Variants in KCNQ5 observed in about 807,000 individuals in gnomAD.
KCNQ5 encodes the protein potassium voltage-gated channel subfamily KQT member 5.
In KCNQ5, 30 loss-of-function variants were observed where a neutral mutation model predicts 98.2. That is an observed-to-expected ratio of 0.31 (90% CI 0.23 to 0.41). The LOEUF (loss-of-function observed/expected upper bound fraction) is 0.41, where lower values mean the gene tolerates loss of function less well. Among genes scored for constraint, KCNQ5 ranks in the 10% least tolerant of loss-of-function variants. KCNQ5 has a pLI of 1.00. For synonymous variants in KCNQ5, 458 were observed against 449.4 expected (o/e 1.02, Z -0.24); for missense variants, 835 against 1,182.5 (o/e 0.71, Z 4.31).
In KCNQ5 at chr6:72,778,921, A is replaced by C. The variant is rs138599701; in HGVS notation, c.398+156334A>C. 1.1e-3 allele frequency among the ~76,000 whole-genome samples: 173 copies of C among 152,350 alleles called. 1 individual carries two copies. The highest frequency in any genetic ancestry group is 2.1e-3 in the Non-Finnish European group (144 of 68,028). On this transcript the variant is annotated intron_variant, in intron 1 of 13. Transcript: ENST00000370398. Reference sequence around the variant, plus strand: ...GCCACTATAAATAGCTTTTGTAAAGATATTCATTAAATTTGGTAATGAAGA... The same window carrying C: ...GCCACTATAAATAGCTTTTGTAAAGCTATTCATTAAATTTGGTAATGAAGA...
chr6:72,675,888 A>G (rs1165573826), intron 1 of KCNQ5, among the ~76,000 whole-genome samples: 1 of 152,202 alleles, frequency 6.6e-6, no homozygotes, highest in Admixed American at 6.5e-5. Context: ...GGAGTAAATC[A>G]CTGAACATTT....
At chr6:72,922,671 T>C (rs79700621) in intron 1 of KCNQ5, among the ~76,000 whole-genome samples, 2,284 of 152,276 alleles carry the variant, frequency 0.015, 55 homozygotes, top group African/African-American at 0.051. Flanking sequence ...TTGCTTTCTA[T>C]GCCTGGTTTA....
At chr6:72,664,760 A>C (rs1057016711) in intron 1 of KCNQ5, among the ~76,000 whole-genome samples, 16 of 152,354 alleles carry the variant, frequency 1.1e-4, no homozygotes, top group African/African-American at 3.6e-4. Context: ...ACAGTTTGAG[A>C]AAGTAATATC....
chr6:72,636,796 C>T (rs1167150031), intron 1 of KCNQ5, among the ~76,000 whole-genome samples: 12 of 152,218 alleles, frequency 7.9e-5, no homozygotes, highest in African/African-American at 2.9e-4. Flanking sequence ...TTACTGTTTA[C>T]TGAGCCTCAA....
intron 1 of KCNQ5, among the ~76,000 whole-genome samples, chr6:72,894,860 C>A (rs2150186466): frequency 6.6e-6 from 1 of 152,098 alleles, no homozygotes; most frequent in South Asian, 2.1e-4. Context: ...AGCAATTGAT[C>A]TCATAGGAAG....
chr6:72,860,860 T>TGC (rs1777737192), intron 1 of KCNQ5, among the ~76,000 whole-genome samples: 1 of 151,190 alleles, frequency 6.6e-6, no homozygotes, highest in South Asian at 2.1e-4. Context: ...TGTGTATGTG[T>TGC]GTGTGTGTGT....
intron 1 of KCNQ5, among the ~76,000 whole-genome samples, chr6:72,826,239 ACC>A (rs1455028811): frequency 3.3e-5 from 5 of 152,120 alleles, no homozygotes; most frequent in African/African-American, 1.2e-4. Context: ...GTCACCAGTT[ACC>A]CTTCCTGCAA....
At chr6:72,979,435 G>T (rs557918257) in intron 1 of KCNQ5, among the ~76,000 whole-genome samples, 31 of 152,290 alleles carry the variant, frequency 2.0e-4, no homozygotes, top group African/African-American at 6.7e-4. Flanking sequence ...GTGATGATGA[G>T]CATTTTTTCA....
At chr6:73,033,030 G>C (rs926132258) in intron 2 of KCNQ5, among the ~76,000 whole-genome samples, 7 of 152,162 alleles carry the variant, frequency 4.6e-5, no homozygotes, top group African/African-American at 1.7e-4. Context: ...AGGCATTATA[G>C]CTGCTGACAA....
At chr6:73,046,049 G>A (rs994788836) in intron 3 of KCNQ5, among the ~76,000 whole-genome samples, 4 of 151,688 alleles carry the variant, frequency 2.6e-5, no homozygotes, top group Admixed American at 6.6e-5. Flanking sequence ...TATTAAAATC[G>A]ACCACATGGC....
chr6:72,995,447 A>G (rs1042457696), intron 1 of KCNQ5, among the ~76,000 whole-genome samples: 6 of 152,152 alleles, frequency 3.9e-5, no homozygotes, highest in African/African-American at 1.4e-4. Context: ...AAAAAATTAC[A>G]TTAAATAATG....
chr6:73,125,620 T>C, intron 9 of KCNQ5: 1 of 218,836 alleles, frequency 4.6e-6, no homozygotes, highest in Non-Finnish European at 9.0e-6. Context: ...TATGCAATAC[T>C]GAAGCCAGTT....
chr6:72,685,222 G>T (rs1222739734), intron 1 of KCNQ5, among the ~76,000 whole-genome samples: 1 of 152,138 alleles, frequency 6.6e-6, no homozygotes, highest in Non-Finnish European at 1.5e-5. Context: ...AAGAGCTGAG[G>T]TCCTAATTCA....
chr6:72,997,892 T>C (rs958659964), intron 1 of KCNQ5, among the ~76,000 whole-genome samples: 2 of 151,326 alleles, frequency 1.3e-5, no homozygotes, highest in African/African-American at 4.9e-5. Context: ...AAAAGCAGAA[T>C]CGTGCAGTGT....
At chr6:73,075,381 C>A (rs1773489589) in intron 3 of KCNQ5, among the ~76,000 whole-genome samples, 1 of 152,056 alleles carries the variant, frequency 6.6e-6, no homozygotes, top group African/African-American at 2.4e-5. Flanking sequence ...TGCCACCACA[C>A]CCAGCTAATT....
At chr6:73,164,215 A>C (rs777091924) in intron 10 of KCNQ5, among the ~76,000 whole-genome samples, 3 of 152,190 alleles carry the variant, frequency 2.0e-5, no homozygotes, top group Non-Finnish European at 2.9e-5. Context: ...CCTACCGAAG[A>C]CATTAAGTGA....
At position 72,902,244 on chromosome 6, in the gene KCNQ5, A is replaced by T. The variant is rs1289286867; in HGVS notation, c.399-101664A>T. Among the ~76,000 whole-genome samples the T allele has an allele frequency of 2.0e-5, 3 of 152,092 alleles. No individual in the cohort carries two copies. The South Asian group carries it at 6.2e-4, about 32-fold the overall frequency. ...TATCAGTTCTAGGAACTTTCTGGAGAAGTCTTTAGGGTTCTCAAGGTAAAC... is the reference window on the plus strand; with the variant it reads ...TATCAGTTCTAGGAACTTTCTGGAGTAGTCTTTAGGGTTCTCAAGGTAAAC... On this transcript the variant is annotated intron_variant, in intron 1 of 13. Transcript: ENST00000370398.
At chr6:73,176,805 A>T (rs1276396207) in intron 11 of KCNQ5, among the ~76,000 whole-genome samples, 1 of 152,212 alleles carries the variant, frequency 6.6e-6, no homozygotes, top group Non-Finnish European at 1.5e-5. Flanking sequence ...GAGTTCAAGC[A>T]GTCACAGTAG....
chr6:72,718,714 G>A (rs958931440), intron 1 of KCNQ5, among the ~76,000 whole-genome samples: 1 of 152,064 alleles, frequency 6.6e-6, no homozygotes, highest in Non-Finnish European at 1.5e-5. Flanking sequence ...CTCCCAAAGT[G>A]CTGGGATTAG....
Sources: gnomAD v4.1 joint callset for allele counts (sites outside exome capture counted in the v4.1 genomes callset) on GRCh38, gnomAD v4.1.1 for gene constraint, MANE v1.5 for transcripts, NCBI Gene and HGNC (gene_info 2026-07-23, HGNC 2026-07-21) for gene names.